ZFR: variants seen among roughly 807,000 people sequenced by gnomAD.
The protein encoded by ZFR is zinc finger RNA binding protein, also known as zinc finger RNA-binding protein.
Under a neutral mutation model 130.7 loss-of-function variants are expected in ZFR, and 19 were observed. The observed-to-expected ratio is 0.15, with a 90% CI of 0.10 to 0.21. The LOEUF is 0.21. ZFR is among the 10% of genes least tolerant of loss of function. The probability of loss-of-function intolerance (pLI) is 1.00; values close to 1 mark genes in which losing one functional copy is unlikely to be tolerated. For missense variants in ZFR, 872 were observed against 1,321.5 expected (o/e 0.66, Z 5.27); for synonymous variants, 466 against 456.9 (o/e 1.02, Z -0.25).
At chr5:32,418,051 C>G (rs560601838) in intron 3 of ZFR, among the ~76,000 whole-genome samples, 12 of 152,142 alleles carry the variant, frequency 7.9e-5, no homozygotes, top group Admixed American at 7.8e-4. Flanking sequence ...ATGAGGTAAG[C>G]AGATAAAGAC....
chr5:32,359,184 A>C (rs972843335), intron 19 of ZFR, among the ~76,000 whole-genome samples: 1 of 152,188 alleles, frequency 6.6e-6, no homozygotes, highest in Non-Finnish European at 1.5e-5. Context: ...CGTCTCAAAA[A>C]AACAAAAAAA....
At chr5:32,369,698 T>C (rs1752618488) in intron 17 of ZFR, among the ~76,000 whole-genome samples, 1 of 151,876 alleles carries the variant, frequency 6.6e-6, no homozygotes, top group African/African-American at 2.4e-5. Flanking sequence ...TACAGTCCTA[T>C]GTACGTGGGA....
In ZFR at chr5:32,403,160, C is replaced by T; in HGVS notation, c.1462G>A (p.Val488Met). The change falls in exon 8 of 20, where the codon GTG becomes ATG. Residue 488 changes from valine to methionine, a missense_variant. Val to Met is a conservative substitution (Grantham distance 21). This residue lies in a region of ZFR where 143 missense variants were observed against 137.9 expected (regional missense o/e 1.04). Transcript: ENST00000265069. ...NSTSNTKVSA[V>M]PTNMAAKKTS... ...TTCTTGGCAGCCATATTTGTAGGCA[C>T]TGCTGATACTTTAGTGTTAGATGTG... is the stretch of plus-strand genomic sequence containing the variant. The T allele has an allele frequency of 2.5e-6, 4 of 1,614,190 alleles. No individual in the cohort carries two copies. Among genetic ancestry groups the T allele is most frequent in the Non-Finnish European group, 3.4e-6 (4 of 1,180,038 alleles).
chr5:32,402,536 AG>A (rs1484788474), intron 8 of ZFR, among the ~76,000 whole-genome samples: 1 of 151,750 alleles, frequency 6.6e-6, no homozygotes, highest in Non-Finnish European at 1.5e-5. Flanking sequence ...AAGTTGAGGC[AG>A]GCAGCTCACC....
intron 17 of ZFR, among the ~76,000 whole-genome samples, chr5:32,374,289 TG>T (rs1404757793): frequency 6.6e-6 from 1 of 152,110 alleles, no homozygotes; most frequent in African/African-American, 2.4e-5. Context: ...GCGGATCACT[TG>T]AGGTCAGGAG....
Position 32,388,451 on chromosome 5 carries a change from A to G in ZFR, c.2348+18T>C, listed in dbSNP as rs765604912. ...GAAAAACCAAAATTACACATGGTAA[A>G]TAACTTTCAAAACACACCTGTCTTT... On this transcript the variant is annotated intron_variant, in intron 13 of 19. Coordinates refer to ENST00000265069, the MANE Select transcript of ZFR (RefSeq NM_016107.5). 2 of 1,610,380 alleles carry G rather than the reference A, an allele frequency of 1.2e-6. No individual in the cohort carries two copies. Among genetic ancestry groups the G allele is most frequent in the African/African-American group, 1.3e-5 (1 of 74,906 alleles).
At chr5:32,380,308 T>TA in intron 15 of ZFR, 136 bp from the exon 16 acceptor site, 1 of 538,744 alleles carries the variant, frequency 1.9e-6, no homozygotes, top group East Asian at 2.9e-5. Flanking sequence ...TCCACGGAGT[T>TA]ATTTTCAATA....
chr5:32,421,574 C>T (rs1385122619), intron 2 of ZFR, among the ~76,000 whole-genome samples: 2 of 151,414 alleles, frequency 1.3e-5, no homozygotes, highest in African/African-American at 4.9e-5. Flanking sequence ...GGGGAGGACA[C>T]CTGGAGAAAT....
chr5:32,370,837 A>T (rs1752655837), intron 17 of ZFR, among the ~76,000 whole-genome samples: 1 of 152,236 alleles, frequency 6.6e-6, no homozygotes, highest in South Asian at 2.1e-4. Context: ...ACAGAAGAAC[A>T]ACTAATTTGA....
chr5:32,378,993 GA>G (rs1361817510), intron 17 of ZFR, 121 bp downstream of exon 17: 3 of 689,990 alleles, frequency 4.3e-6, no homozygotes, highest in Non-Finnish European at 2.3e-6. Context: ...TTTTTCATCA[GA>G]AAAGAAAAAC....
chr5:32,372,648 C>T (rs767127254), intron 17 of ZFR, among the ~76,000 whole-genome samples: 3 of 152,020 alleles, frequency 2.0e-5, no homozygotes, highest in Non-Finnish European at 4.4e-5. Flanking sequence ...ACCTGGCCAA[C>T]ATGGTGAAAC....
chr5:32,364,395 C>T, intron 17 of ZFR, 120 bp from the exon 18 acceptor site: 1 of 626,624 alleles, frequency 1.6e-6, no homozygotes, highest in Non-Finnish European at 2.7e-6. Flanking sequence ...GAACAAGTCA[C>T]AAAAACAGAA....
chr5:32,407,150 A>G (rs1022127728), intron 5 of ZFR, 129 bp from the exon 6 acceptor site: 1 of 829,854 alleles, frequency 1.2e-6, no homozygotes, highest in South Asian at 2.2e-5. Flanking sequence ...ACAAACGTAT[A>G]TCTCACAGAA....
At chr5:32,366,285 T>A (rs1240347707) in intron 17 of ZFR, among the ~76,000 whole-genome samples, 1 of 152,208 alleles carries the variant, frequency 6.6e-6, no homozygotes, top group African/African-American at 2.4e-5. Flanking sequence ...TGCCTCAAAT[T>A]TTTACTGAGT....
intron 17 of ZFR, among the ~76,000 whole-genome samples, chr5:32,373,425 A>AACT (rs1752722435): frequency 2.0e-5 from 3 of 152,166 alleles, no homozygotes; most frequent in Non-Finnish European, 2.9e-5. Flanking sequence ...ATTCCCTCAA[A>AACT]ACTACTGTTG....
At chr5:32,410,701 A>G (rs1753688634) in intron 5 of ZFR, among the ~76,000 whole-genome samples, 1 of 152,228 alleles carries the variant, frequency 6.6e-6, no homozygotes, top group African/African-American at 2.4e-5. Flanking sequence ...TTAACATTTC[A>G]GTAGTAAATT....
chr5:32,368,130 TAAAAC>T (rs147568701), intron 17 of ZFR, among the ~76,000 whole-genome samples: 1,810 of 152,252 alleles, frequency 0.012, 33 homozygotes, highest in African/African-American at 0.041. Flanking sequence ...GTAAAACAAA[TAAAAC>T]AAAGCCACCT....
chr5:32,361,730 T>C (rs895936962), intron 19 of ZFR, among the ~76,000 whole-genome samples: 1 of 151,754 alleles, frequency 6.6e-6, no homozygotes, highest in African/African-American at 2.4e-5. Flanking sequence ...GCGATTCTCG[T>C]GCCTTAGTCT....
At chr5:32,384,095 C>T (rs1752986832) in intron 15 of ZFR, among the ~76,000 whole-genome samples, 1 of 152,178 alleles carries the variant, frequency 6.6e-6, no homozygotes. Flanking sequence ...TGGCTTGATA[C>T]TGTATAAATT....
Sources: allele counts gnomAD v4.1 joint callset (sites outside exome capture counted in the v4.1 genomes callset), GRCh38; gene constraint gnomAD v4.1.1; regional missense constraint gnomAD v4.1.1; transcripts MANE v1.5; gene names NCBI Gene and HGNC (gene_info 2026-07-23, HGNC 2026-07-21).